Variants in IMMP2L observed in about 807,000 individuals in gnomAD.
IMMP2L encodes the protein mitochondrial inner membrane protease subunit 2.
In IMMP2L, 18 loss-of-function variants were observed where a neutral mutation model predicts 19.3. That is an observed-to-expected ratio of 0.93 (90% confidence interval 0.64 to 1.38). The LOEUF (loss-of-function observed/expected upper bound fraction) is 1.38. Among genes scored for constraint, IMMP2L ranks in the 40% most tolerant of loss-of-function variants. The pLI, the probability that IMMP2L is intolerant of heterozygous loss-of-function variation, is 0.00. For synonymous variants in IMMP2L, 76 were observed against 73.0 expected (o/e 1.04, Z -0.21); for missense variants, 233 against 218.2 (o/e 1.07, Z -0.43).
chr7:110,959,817 T>C (rs1043099415), intron 4 of IMMP2L, among the ~76,000 whole-genome samples: 1 of 151,884 alleles, frequency 6.6e-6, no homozygotes, highest in African/African-American at 2.4e-5. Flanking sequence ...GCAGACCTTT[T>C]ACATCATCCA....
chr7:111,309,975 C>G (rs1259278960), intron 3 of IMMP2L, among the ~76,000 whole-genome samples: 6 of 152,030 alleles, frequency 3.9e-5, no homozygotes, highest in Non-Finnish European at 8.8e-5. Flanking sequence ...TGGCTCACAC[C>G]TGTAATCCCA....
intron 5 of IMMP2L, among the ~76,000 whole-genome samples, chr7:110,742,467 T>C (rs548942447): frequency 1.3e-5 from 2 of 152,228 alleles, no homozygotes; most frequent in South Asian, 2.1e-4. Flanking sequence ...TATGCGACTA[T>C]TAAAAATTAT....
intron 5 of IMMP2L, among the ~76,000 whole-genome samples, chr7:110,723,712 C>A (rs1248101840): frequency 6.6e-6 from 1 of 151,954 alleles, no homozygotes; most frequent in Non-Finnish European, 1.5e-5. Flanking sequence ...ATTTTATATC[C>A]TCTGGTTATG....
chr7:111,286,397 T>C lies in IMMP2L; in HGVS notation c.239+200841A>G, dbSNP rs557950288. Among the ~76,000 whole-genome samples, 39 of 152,232 alleles carry C rather than the reference T, an allele frequency of 2.6e-4. 1 individual carries two copies. Among genetic ancestry groups the C allele is most frequent in the Middle Eastern group, 3.4e-3 (1 of 294 alleles). Reference sequence around the variant, plus strand: ...CAACGCAATAATGACTTAACTGAGATTGCGTATTAATGACCCTCAATCTGT... The same window carrying C: ...CAACGCAATAATGACTTAACTGAGACTGCGTATTAATGACCCTCAATCTGT... On this transcript the variant is annotated intron_variant, in intron 3 of 5. Coordinates refer to ENST00000405709, the MANE Select transcript of IMMP2L (RefSeq NM_032549.4).
At chr7:110,868,676 C>A (rs1247643301) in intron 5 of IMMP2L, among the ~76,000 whole-genome samples, 1 of 152,034 alleles carries the variant, frequency 6.6e-6, no homozygotes, top group African/African-American at 2.4e-5. Flanking sequence ...GCAGGCATTG[C>A]TCTGTTTACA....
At chr7:111,349,886 A>G (rs1827969053) in intron 3 of IMMP2L, among the ~76,000 whole-genome samples, 1 of 152,052 alleles carries the variant, frequency 6.6e-6, no homozygotes, top group African/African-American at 2.4e-5. Context: ...ATGTAGAATA[A>G]GAGTCCCCGA....
chr7:111,082,879 A>T (rs1796002425), intron 3 of IMMP2L, among the ~76,000 whole-genome samples: 1 of 150,908 alleles, frequency 6.6e-6, no homozygotes, highest in Admixed American at 6.6e-5. Context: ...AAAAAATGAC[A>T]CGTGTTGCTC....
intron 3 of IMMP2L, among the ~76,000 whole-genome samples, chr7:111,022,401 T>G (rs1039559772): frequency 1.3e-5 from 2 of 152,220 alleles, no homozygotes; most frequent in African/African-American, 2.4e-5. Context: ...TAAGTTGCCA[T>G]GATTTTCCTA....
intron 3 of IMMP2L, among the ~76,000 whole-genome samples, chr7:111,386,261 T>A (rs1831742594): frequency 6.6e-6 from 1 of 152,130 alleles, no homozygotes; most frequent in South Asian, 2.1e-4. Flanking sequence ...CCATGAGTAA[T>A]CCTTCCTATG....
At chr7:110,683,964 AT>A (rs1792923364) in intron 5 of IMMP2L, among the ~76,000 whole-genome samples, 1 of 152,170 alleles carries the variant, frequency 6.6e-6, no homozygotes, top group Admixed American at 6.5e-5. Context: ...GCAGAAGGCC[AT>A]GGCTGGGATG....
chr7:111,544,943 A>G (rs1049762639), intron 1 of IMMP2L, among the ~76,000 whole-genome samples: 1 of 152,040 alleles, frequency 6.6e-6, no homozygotes, highest in African/African-American at 2.4e-5. Flanking sequence ...TAGAAAAAAG[A>G]CCAAAACCCA....
chr7:111,082,437 G>A (rs1184057903), intron 3 of IMMP2L, among the ~76,000 whole-genome samples: 1 of 152,188 alleles, frequency 6.6e-6, no homozygotes, highest in Non-Finnish European at 1.5e-5. Context: ...CTTTGTGAAT[G>A]CTTGTTGGCA....
At chr7:110,890,256 CAG>C (rs1310653726) in intron 4 of IMMP2L, among the ~76,000 whole-genome samples, 1 of 152,062 alleles carries the variant, frequency 6.6e-6, no homozygotes, top group Non-Finnish European at 1.5e-5. Flanking sequence ...TTCAAATATG[CAG>C]AGAGTAGTAA....
chr7:111,141,337 A>G (rs1047152441), intron 3 of IMMP2L, among the ~76,000 whole-genome samples: 2 of 152,132 alleles, frequency 1.3e-5, no homozygotes, highest in Admixed American at 6.6e-5. Flanking sequence ...TCTTTCCTCA[A>G]ATTATAATTT....
At chr7:111,133,740 G>A (rs1317697649) in intron 3 of IMMP2L, among the ~76,000 whole-genome samples, 1 of 152,000 alleles carries the variant, frequency 6.6e-6, no homozygotes, top group East Asian at 1.9e-4. Context: ...AATATGAGAA[G>A]ACGTGGGAAA....
rs1554435799 is a variant in IMMP2L, at chr7:110,846,366, T to TTTG, written c.408+40224_408+40226dup. On this transcript the variant is annotated intron_variant, in intron 5 of 5. Transcript: ENST00000405709. ...CTGATTTCTTTTTTTTTTTTTTTTT[T>TTTG]TTGTTGTTGTTGTTGTTGAGACAGA... Among the ~76,000 whole-genome samples, 413 of 113,098 alleles carry TTTG rather than the reference T, an allele frequency of 3.7e-3. 64 individuals carry two copies. The highest frequency in any genetic ancestry group is 0.021 in the Middle Eastern group (5 of 240). The allele number at this position is 113,098 out of a possible 152,430, so 74.2% of individuals were successfully genotyped here.
chr7:111,205,796 G>A (rs917909260), intron 3 of IMMP2L, among the ~76,000 whole-genome samples: 33 of 152,126 alleles, frequency 2.2e-4, no homozygotes, highest in Admixed American at 2.2e-3. Flanking sequence ...CCACAGAGGA[G>A]CCCATGGGAA....
At chr7:111,518,547 T>C (rs2132646233) in intron 2 of IMMP2L, among the ~76,000 whole-genome samples, 1 of 152,260 alleles carries the variant, frequency 6.6e-6, no homozygotes, top group South Asian at 2.1e-4. Flanking sequence ...CCTTGAGTCA[T>C]TAGAGAAATT....
intron 5 of IMMP2L, among the ~76,000 whole-genome samples, chr7:110,853,789 G>A (rs757304793): frequency 4.6e-5 from 7 of 151,916 alleles, no homozygotes; most frequent in Non-Finnish European, 8.8e-5. Flanking sequence ...TTTTATGTAG[G>A]TTTCTTCACA....
Sources: gnomAD v4.1 joint callset for allele counts (sites outside exome capture counted in the v4.1 genomes callset) on GRCh38, gnomAD v4.1.1 for gene constraint, MANE v1.5 for transcripts, NCBI Gene and HGNC (gene_info 2026-07-23, HGNC 2026-07-21) for gene names.